CSPP1: variants seen among roughly 807,000 people sequenced by gnomAD.
CSPP1 encodes the protein centrosome and spindle pole-associated protein 1.
CSPP1 carries 126 observed loss-of-function variants against 164.4 expected under a neutral mutation model. That is an observed-to-expected ratio of 0.77 (90% CI 0.66 to 0.89). CSPP1 has a LOEUF of 0.89. Among genes scored for constraint, CSPP1 ranks in the 40% least tolerant of loss-of-function variants. The probability of loss-of-function intolerance (pLI) is 0.00; values close to 1 mark genes in which losing one functional copy is unlikely to be tolerated. For missense variants in CSPP1, 1,395 were observed against 1,449.8 expected, an observed-to-expected ratio of 0.96 and a Z score of 0.61; for synonymous variants, 472 against 476.7, an observed-to-expected ratio of 0.99 and a Z score of 0.13.
At chr8:67,090,771 T>C (rs2129544534) in intron 4 of CSPP1, among the ~76,000 whole-genome samples, 1 of 152,354 alleles carries the variant, frequency 6.6e-6, no homozygotes, top group Middle Eastern at 3.4e-3. Context: ...CATCTGAAAA[T>C]AGTACCTGCA....
In CSPP1 at chr8:67,104,967, T is replaced by TATA. The variant is rs61548979; in HGVS notation, c.1023-938_1023-937insATA. 4.5e-3 allele frequency among the ~76,000 whole-genome samples: 394 copies of TATA among 87,334 alleles called. 1 individual carries two copies. The highest frequency in any genetic ancestry group is 0.017 in the African/African-American group (279 of 16,232). The allele number at this position is 87,334 out of a possible 152,430, so 57.3% of individuals were successfully genotyped here. Reference sequence around the variant, plus strand: ...ACATGCACATATATATATATATATATTTTTTTTTTTTTTTTTTTTTTTTTT... The same window carrying TATA: ...ACATGCACATATATATATATATATATATATTTTTTTTTTTTTTTTTTTTTTTTT... On this transcript the variant is annotated intron_variant, in intron 8 of 30. Coordinates refer to ENST00000678616, the MANE Select transcript of CSPP1 (RefSeq NM_001382391.1).
intron 19 of CSPP1, among the ~76,000 whole-genome samples, chr8:67,155,964 C>T (rs1826587346): frequency 6.6e-6 from 1 of 152,040 alleles, no homozygotes; most frequent in Non-Finnish European, 1.5e-5. Context: ...ATATTGTGCA[C>T]TCAAGTCAGG....
In CSPP1 at chr8:67,159,928, TC is replaced by T. The variant is rs1563712826; in HGVS notation, c.2538+793del. ...TCTTTCTTTCTTTCTTTCTTTCCTT[TC>T]CTTCCTTCCTTCCTTCCTTCCTTCC... On this transcript the variant is annotated intron_variant, in intron 21 of 30. Coordinates refer to ENST00000678616, the MANE Select transcript of CSPP1 (RefSeq NM_001382391.1). Among the ~76,000 whole-genome samples, 131 of 58,372 alleles carry T rather than the reference TC, an allele frequency of 2.2e-3. 8 individuals are homozygous for T. The highest frequency in any genetic ancestry group is 0.018 in the South Asian group (28 of 1,538). 38.3% of individuals were successfully genotyped at this position (58,372 alleles called of 152,430 possible). A position where few individuals can be genotyped will look rare whatever the true frequency, so the allele number is the denominator to read the frequency against.
At chr8:67,184,038 A>G (rs1308417120) in intron 28 of CSPP1, among the ~76,000 whole-genome samples, 9 of 152,014 alleles carry the variant, frequency 5.9e-5, no homozygotes, top group Non-Finnish European at 8.8e-5. Flanking sequence ...TTTTTAGTAG[A>G]GACGGGGTTT....
At chr8:67,184,148 C>T (rs530709580) in intron 28 of CSPP1, among the ~76,000 whole-genome samples, 50 of 152,182 alleles carry the variant, frequency 3.3e-4, no homozygotes, top group African/African-American at 8.2e-4. Flanking sequence ...CCACTGCGCC[C>T]GGCCAAAAAT....
intron 10 of CSPP1, among the ~76,000 whole-genome samples, chr8:67,113,525 T>G (rs1301676531): frequency 2.6e-5 from 4 of 152,126 alleles, no homozygotes; most frequent in Non-Finnish European, 5.9e-5. Context: ...AATATTTTAT[T>G]TTTGTGTTTT....
At chr8:67,190,571 A>C (rs1835940244) in intron 28 of CSPP1, 79 bp from the exon 29 acceptor site, 1 of 1,046,774 alleles carries the variant, frequency 9.6e-7, no homozygotes, top group African/African-American at 1.6e-5. Context: ...AATCTTAGTA[A>C]TTAAAAGGCT....
intron 10 of CSPP1, 148 bp downstream of exon 10, chr8:67,112,213 A>G: frequency 2.3e-6 from 1 of 429,822 alleles, no homozygotes; most frequent in Non-Finnish European, 4.1e-6. Flanking sequence ...TAAATCAACA[A>G]GGAAAATAAA....
intron 15 of CSPP1, among the ~76,000 whole-genome samples, chr8:67,122,168 T>C (rs2129552140): frequency 6.6e-6 from 1 of 151,752 alleles, no homozygotes; most frequent in East Asian, 1.9e-4. Flanking sequence ...TCTTTTCAAA[T>C]AACAAACTAT....
intron 15 of CSPP1, among the ~76,000 whole-genome samples, chr8:67,130,244 G>T (rs192581099): frequency 0.015 from 2,301 of 152,256 alleles, 61 homozygotes; most frequent in African/African-American, 0.053. Context: ...CTTTCATCCT[G>T]ATCTGACTAC....
chr8:67,194,066 TCTC>T (rs1227184358), intron 30 of CSPP1, among the ~76,000 whole-genome samples: 1 of 150,074 alleles, frequency 6.7e-6, no homozygotes, highest in East Asian at 1.9e-4. Context: ...AAGCTAGTCG[TCTC>T]CTCATTATGA....
chr8:67,132,903 T>G (rs1026544196), intron 16 of CSPP1, among the ~76,000 whole-genome samples: 5 of 152,246 alleles, frequency 3.3e-5, no homozygotes, highest in African/African-American at 9.6e-5. Context: ...CCTGGGACTC[T>G]AACTTACTTA....
Position 67,164,532 on chromosome 8 carries a change from G to T in CSPP1, c.2828+24G>T, listed in dbSNP as rs199566206. 343 of 1,124,158 alleles carry T rather than the reference G, an allele frequency of 3.1e-4. No homozygotes were observed. In the African/African-American group the frequency reaches 4.6e-3, roughly 15 times the overall value. The allele number at this position is 1,124,158 out of a possible 1,614,324, so 69.6% of individuals were successfully genotyped here. On this transcript the variant is annotated intron_variant, in intron 24 of 30. Coordinates refer to ENST00000678616, the MANE Select transcript of CSPP1 (RefSeq NM_001382391.1). The stretch of plus-strand genomic sequence containing the variant: ...AGGCAAGTTTAGAATTGCAGTTTTT[G>T]TGTTCGCTTGAGTTCTTTTATCTTA...
intron 17 of CSPP1, among the ~76,000 whole-genome samples, chr8:67,142,666 CTT>C (rs879420523): frequency 6.6e-6 from 1 of 152,010 alleles, no homozygotes; most frequent in Non-Finnish European, 1.5e-5. Flanking sequence ...ATTTTTATTT[CTT>C]TTGGGTAAGT....
chr8:67,086,893 T>C (rs752297112), intron 4 of CSPP1: 2 of 1,171,718 alleles, frequency 1.7e-6, no homozygotes, highest in African/African-American at 1.6e-5. Flanking sequence ...TCTTTCTTTT[T>C]TTTTTTTTTT....
At chr8:67,064,886 C>G in intron 1 of CSPP1, 1 of 198,552 alleles carries the variant, frequency 5.0e-6, no homozygotes, top group Non-Finnish European at 1.0e-5. Flanking sequence ...GGGAGGTTCC[C>G]TGGTTACACG....
At chr8:67,152,325 C>T (rs1223674348) in intron 18 of CSPP1, among the ~76,000 whole-genome samples, 2 of 151,904 alleles carry the variant, frequency 1.3e-5, no homozygotes, top group African/African-American at 4.8e-5. Flanking sequence ...GTTTAAGTTT[C>T]CTTATCCTCT....
At chr8:67,177,552 C>G (rs1831993350) in intron 26 of CSPP1, 128 bp from the exon 27 acceptor site, 1 of 627,442 alleles carries the variant, frequency 1.6e-6, no homozygotes, top group Non-Finnish European at 2.9e-6. Context: ...CTTTAAAATA[C>G]TCTGAAGTGT....
In CSPP1 at chr8:67,123,939, G is replaced by A. The variant is rs1194558878; in HGVS notation, c.1697+5118G>A. Among the ~76,000 whole-genome samples the A allele has an allele frequency of 3.0e-5, 4 of 133,958 alleles. No individual in the cohort carries two copies. The Admixed American group carries it at 3.1e-4, about 11-fold the overall frequency. 87.9% of individuals were successfully genotyped at this position (133,958 alleles called of 152,430 possible). On this transcript the variant is annotated intron_variant, in intron 15 of 30. Coordinates refer to ENST00000678616, the MANE Select transcript of CSPP1 (RefSeq NM_001382391.1). The stretch of plus-strand genomic sequence containing the variant: ...TTTTTTAAGACGCAGTCTCGCTGTT[G>A]CCCAGGCTGGAGTGCAGTGGTGCGA...
Sources: gnomAD v4.1 joint callset for allele counts (sites outside exome capture counted in the v4.1 genomes callset) on GRCh38, gnomAD v4.1.1 for gene constraint, MANE v1.5 for transcripts, NCBI Gene and HGNC (gene_info 2026-07-23, HGNC 2026-07-21) for gene names.